HSPA14: variants seen among roughly 807,000 people sequenced by gnomAD.
The protein encoded by HSPA14 is heat shock protein family A (Hsp70) member 14.
HSPA14 carries 37 observed loss-of-function variants against 65.5 expected under a neutral mutation model. The observed-to-expected ratio is 0.56, with a 90% confidence interval of 0.43 to 0.74. HSPA14 has a LOEUF of 0.74. Ranked by LOEUF, HSPA14 falls within the 30% of genes least tolerant of loss-of-function variation. The pLI is 0.00. For missense variants in HSPA14, 564 were observed against 607.6 expected, an observed-to-expected ratio of 0.93 and a Z score of 0.75; for synonymous variants, 203 against 214.2, an observed-to-expected ratio of 0.95 and a Z score of 0.46.
At chr10:14,846,874 C>T in intron 3 of HSPA14, 1 of 985,392 alleles carries the variant, frequency 1.0e-6, no homozygotes, top group South Asian at 4.7e-5. Flanking sequence ...GATACACAAC[C>T]ATAGGATTAA....
chr10:14,850,464 A>G (rs146156980), intron 6 of HSPA14, among the ~76,000 whole-genome samples: 255 of 152,332 alleles, frequency 1.7e-3, no homozygotes, highest in African/African-American at 5.8e-3. Context: ...TTCACCTTAG[A>G]TCTTAACATC....
At position 14,843,317 on chromosome 10, in the gene HSPA14, A is replaced by G. The variant is rs1203359467; in HGVS notation, c.221+3160A>G. 1.0e-5 allele frequency: 16 copies of G among 1,545,412 alleles called. No homozygotes were observed. In the South Asian group the frequency reaches 1.7e-4, roughly 16 times the overall value. ...TGTCTCAGCTCTGCTGCTGGCTCCA[A>G]GCATTCCCTTAGCAGGAATGTTCTC... On this transcript the variant is annotated intron_variant, in intron 3 of 13. Coordinates refer to ENST00000378372, the MANE Select transcript of HSPA14 (RefSeq NM_016299.4).
At chr10:14,858,374 A>T (rs1832725248) in intron 10 of HSPA14, among the ~76,000 whole-genome samples, 1 of 152,248 alleles carries the variant, frequency 6.6e-6, no homozygotes, top group African/African-American at 2.4e-5. Flanking sequence ...TTCCCTCTTC[A>T]GATGTTTCTA....
intron 5 of HSPA14, among the ~76,000 whole-genome samples, chr10:14,849,220 A>G (rs1156960106): frequency 6.6e-6 from 1 of 152,238 alleles, no homozygotes; most frequent in Non-Finnish European, 1.5e-5. Context: ...ACAATAATTT[A>G]GGCAGACTAA....
At chr10:14,844,209 G>A in intron 3 of HSPA14, 2 of 1,139,412 alleles carry the variant, frequency 1.8e-6, no homozygotes, top group Non-Finnish European at 2.2e-6. Context: ...GTAAAATGGG[G>A]ATCAATAATA....
At chr10:14,846,587 T>A in intron 3 of HSPA14, 1 of 978,990 alleles carries the variant, frequency 1.0e-6, no homozygotes, top group Non-Finnish European at 1.2e-6. Flanking sequence ...TTGAACCCCC[T>A]TAGAAAAGCT....
chr10:14,851,664 G>A (rs1834109544), intron 7 of HSPA14, among the ~76,000 whole-genome samples: 1 of 152,160 alleles, frequency 6.6e-6, no homozygotes, highest in South Asian at 2.1e-4. Flanking sequence ...CAGATAATAG[G>A]TACTGTTATA....
intron 3 of HSPA14, chr10:14,843,775 C>T (rs772725334): frequency 1.4e-5 from 21 of 1,536,200 alleles, no homozygotes; most frequent in South Asian, 1.2e-4. Flanking sequence ...CAATGAGCTC[C>T]GCAGGGATGC....
chr10:14,861,672 C>T (rs1832751059), intron 10 of HSPA14, among the ~76,000 whole-genome samples: 1 of 152,088 alleles, frequency 6.6e-6, no homozygotes, highest in African/African-American at 2.4e-5. Flanking sequence ...TAGGGGAATA[C>T]TGTGAGACTT....
chr10:14,846,155 T>G, intron 3 of HSPA14: 1 of 984,918 alleles, frequency 1.0e-6, no homozygotes, highest in Non-Finnish European at 1.2e-6. Context: ...TTTAAGGCAT[T>G]GAAATGGATA....
At chr10:14,865,938 T>C (rs1339472065) in intron 10 of HSPA14, among the ~76,000 whole-genome samples, 1 of 152,216 alleles carries the variant, frequency 6.6e-6, no homozygotes, top group Non-Finnish European at 1.5e-5. Context: ...TGATTCTTCC[T>C]ATCCATGAGC....
chr10:14,864,285 TTTTC>T (rs1350718134), intron 10 of HSPA14, among the ~76,000 whole-genome samples: 4 of 144,464 alleles, frequency 2.8e-5, no homozygotes, highest in Non-Finnish European at 4.6e-5. Context: ...TTTTTTTTGG[TTTTC>T]TTTGTTTTTT....
intron 8 of HSPA14, among the ~76,000 whole-genome samples, chr10:14,853,268 GA>G (rs2131641789): frequency 6.6e-6 from 1 of 152,310 alleles, no homozygotes; most frequent in Admixed American, 6.5e-5. Flanking sequence ...TTTTAAACAT[GA>G]ACTCATATTG....
intron 11 of HSPA14, 150 bp from the exon 12 acceptor site, chr10:14,867,586 G>A: frequency 1.5e-6 from 1 of 685,010 alleles, no homozygotes; most frequent in Non-Finnish European, 2.5e-6. Flanking sequence ...TTTTTAAAGT[G>A]AAGTAGGATT....
At chr10:14,845,928 C>A (rs925600278) in intron 3 of HSPA14, 9 of 728,594 alleles carry the variant, frequency 1.2e-5, no homozygotes, top group Non-Finnish European at 1.5e-5. Context: ...TTTCCTAGTA[C>A]CTTCCAGCTC....
chr10:14,863,955 A>C (rs1832779497), intron 10 of HSPA14, among the ~76,000 whole-genome samples: 1 of 151,988 alleles, frequency 6.6e-6, no homozygotes, highest in Non-Finnish European at 1.5e-5. Context: ...AAATGTACCA[A>C]AAAAGAGGTT....
Position 14,864,783 on chromosome 10 carries a change from A to G in HSPA14, c.994-2300A>G, listed in dbSNP as rs929357666. On this transcript the variant is annotated intron_variant, in intron 10 of 13. Transcript: ENST00000378372. ...TGTTGTGAATAGTACCGCAATGAAC[A>G]TATGTGTGCATGTGTCTTTATGGCA... Among the ~76,000 whole-genome samples the G allele has an allele frequency of 6.6e-5, 10 of 152,336 alleles. No homozygotes were observed. The East Asian group carries it at 1.5e-3, about 23-fold the overall frequency.
chr10:14,845,861 C>A, intron 3 of HSPA14: 1 of 317,276 alleles, frequency 3.2e-6, no homozygotes, highest in Non-Finnish European at 4.6e-6. Flanking sequence ...CGTGCCCAGC[C>A]AATTCATGCC....
At chr10:14,856,792 A>G (rs918694061) in intron 10 of HSPA14, among the ~76,000 whole-genome samples, 1 of 152,128 alleles carries the variant, frequency 6.6e-6, no homozygotes, top group African/African-American at 2.4e-5. Flanking sequence ...CCAGGGGGTC[A>G]GGGCTGCAGT....
Sources: allele counts gnomAD v4.1 joint callset (sites outside exome capture counted in the v4.1 genomes callset), GRCh38; gene constraint gnomAD v4.1.1; transcripts MANE v1.5; gene names NCBI Gene and HGNC (gene_info 2026-07-23, HGNC 2026-07-21).